POU2F1: variants seen among roughly 807,000 people sequenced by gnomAD.
The protein encoded by POU2F1 is POU class 2 homeobox 1.
In POU2F1, 16 loss-of-function variants were observed where a neutral mutation model predicts 84.9. The ratio of observed to expected loss-of-function variants is 0.19; its 90% CI spans 0.13 to 0.29. POU2F1 has a LOEUF of 0.29. Among genes scored for constraint, POU2F1 ranks in the 10% least tolerant of loss-of-function variants. The pLI, the probability that POU2F1 is intolerant of heterozygous loss-of-function variation, is 1.00. For synonymous variants in POU2F1, 368 were observed against 368.3 expected (o/e 1.00, Z 0.01); for missense variants, 738 against 942.6 (o/e 0.78, Z 2.84).
At chr1:167,323,877 G>A (rs1656504717) in intron 1 of POU2F1, among the ~76,000 whole-genome samples, 1 of 152,068 alleles carries the variant, frequency 6.6e-6, no homozygotes, top group South Asian at 2.1e-4. Context: ...ATTTTTAGTA[G>A]AGATAGGGTT....
chr1:167,313,076 C>A (rs931295277), intron 1 of POU2F1, among the ~76,000 whole-genome samples: 1 of 152,160 alleles, frequency 6.6e-6, no homozygotes, highest in Non-Finnish European at 1.5e-5. Context: ...AATATAGCCC[C>A]ATTGTTAAAC....
intron 2 of POU2F1, among the ~76,000 whole-genome samples, chr1:167,343,604 G>C (rs1405762497): frequency 7.2e-6 from 1 of 138,204 alleles, no homozygotes; most frequent in Admixed American, 7.6e-5. Context: ...TCCTGGCATA[G>C]AGCAATGGCA....
chr1:167,396,117 A>G (rs1188968748), intron 9 of POU2F1, among the ~76,000 whole-genome samples, 169 bp from the exon 10 acceptor site: 1 of 152,170 alleles, frequency 6.6e-6, no homozygotes, highest in Non-Finnish European at 1.5e-5. Context: ...TCACAGTAAC[A>G]CTGTGACTGG....
At chr1:167,306,710 C>G (rs1655088001) in intron 1 of POU2F1, among the ~76,000 whole-genome samples, 1 of 152,148 alleles carries the variant, frequency 6.6e-6, no homozygotes. Flanking sequence ...GGCTGTGAAG[C>G]AGAATCTGTT....
intron 1 of POU2F1, among the ~76,000 whole-genome samples, chr1:167,242,647 A>G (rs1649995629): frequency 6.6e-6 from 1 of 152,216 alleles, no homozygotes; most frequent in African/African-American, 2.4e-5. Flanking sequence ...ATGTGAAATT[A>G]GCCCGAATCA....
At chr1:167,352,828 T>C (rs1658669002) in intron 2 of POU2F1, among the ~76,000 whole-genome samples, 1 of 152,230 alleles carries the variant, frequency 6.6e-6, no homozygotes, top group Non-Finnish European at 1.5e-5. Flanking sequence ...ATTTCTTCCC[T>C]CACTCCCACA....
chr1:167,276,491 A>G (rs995259473), intron 1 of POU2F1, among the ~76,000 whole-genome samples: 5 of 152,170 alleles, frequency 3.3e-5, no homozygotes, highest in Non-Finnish European at 7.3e-5. Context: ...ATAGGGTTCA[A>G]TACTAGCCCC....
intron 1 of POU2F1, among the ~76,000 whole-genome samples, chr1:167,267,630 C>CTTTTTTTTTTTTT (rs71073658): frequency 5.7e-5 from 4 of 70,484 alleles, no homozygotes; most frequent in African/African-American, 1.1e-4. Context: ...GTTACTGTGT[C>CTTTTTTTTTTTTT]TTTTTTTTTT....
At chr1:167,379,533 C>T (rs547436381) in intron 7 of POU2F1, 1 of 152,272 alleles carries the variant, frequency 6.6e-6, no homozygotes, top group Admixed American at 6.5e-5. Context: ...TTAGAAGAAC[C>T]TTGGTGAAAC....
chr1:167,290,591 T>C (rs1040866039), intron 1 of POU2F1, among the ~76,000 whole-genome samples: 10 of 152,254 alleles, frequency 6.6e-5, no homozygotes, highest in African/African-American at 1.9e-4. Context: ...TTCATCTTTC[T>C]GACCCCATGG....
intron 1 of POU2F1, among the ~76,000 whole-genome samples, chr1:167,325,564 G>A (rs1656642135): frequency 6.6e-6 from 1 of 151,980 alleles, no homozygotes; most frequent in Non-Finnish European, 1.5e-5. Context: ...ACCTACACTG[G>A]CCCATAAGAT....
intron 1 of POU2F1, among the ~76,000 whole-genome samples, chr1:167,264,689 C>G (rs2102446590): frequency 6.6e-6 from 1 of 152,296 alleles, no homozygotes; most frequent in South Asian, 2.1e-4. Context: ...AGCTTCCACC[C>G]TTCCAGCCCT....
At chr1:167,359,506 AT>A in intron 2 of POU2F1, among the ~76,000 whole-genome samples, 1 of 152,298 alleles carries the variant, frequency 6.6e-6, no homozygotes, top group South Asian at 2.1e-4. Flanking sequence ...GTATTACTGC[AT>A]GGATTTTGTT....
chr1:167,327,069 T>C (rs540242455), intron 1 of POU2F1, among the ~76,000 whole-genome samples: 70 of 152,330 alleles, frequency 4.6e-4, no homozygotes, highest in Middle Eastern at 3.4e-3. Context: ...ATCCAACATA[T>C]TCTACCTTAA....
Position 167,422,563 on chromosome 1 carries a change from A to G in POU2F1, c.*6753A>G, listed in dbSNP as rs2101967913. On this transcript the variant is annotated 3_prime_UTR_variant, in exon 16 of 16. Coordinates refer to ENST00000367866, the MANE Select transcript of POU2F1 (RefSeq NM_002697.4). ...ATTAGTTGGTGGGATTGAGGAGAGA[A>G]TTATTCTTGGTGGGAACATGAATGA... 2 of 152,364 alleles carry G rather than the reference A, an allele frequency of 1.3e-5. No individual in the cohort carries two copies. Among genetic ancestry groups the G allele is most frequent in the Non-Finnish European group, 2.9e-5 (2 of 68,020 alleles). 9.4% of individuals were successfully genotyped at this position (152,364 alleles called of 1,614,324 possible). A position where few individuals can be genotyped will look rare whatever the true frequency, so the allele number is the denominator to read the frequency against.
At chr1:167,238,248 T>C (rs1273860616) in intron 1 of POU2F1, among the ~76,000 whole-genome samples, 3 of 152,154 alleles carry the variant, frequency 2.0e-5, no homozygotes, top group Non-Finnish European at 4.4e-5. Context: ...ATCAACTGTA[T>C]GGCAAGAAAT....
intron 1 of POU2F1, among the ~76,000 whole-genome samples, chr1:167,298,579 A>C (rs1164203656): frequency 6.6e-6 from 1 of 152,108 alleles, no homozygotes; most frequent in Non-Finnish European, 1.5e-5. Flanking sequence ...CTTCCCTTTG[A>C]ATTTCCTGGG....
chr1:167,250,430 T>G lies in POU2F1; in HGVS notation c.61+29472T>G, dbSNP rs1650638163. 2.0e-5 allele frequency among the ~76,000 whole-genome samples: 3 copies of G among 152,182 alleles called. 1 individual carries two copies. The South Asian group carries it at 6.2e-4, about 31-fold the overall frequency. On this transcript the variant is annotated intron_variant, in intron 1 of 15. Coordinates refer to ENST00000367866, the MANE Select transcript of POU2F1 (RefSeq NM_002697.4). ...AAATATTTCTCAATTTAAATTATAGTGTTTAAATTTTAGGTAAGAATGGAA... is the reference window on the plus strand; with the variant it reads ...AAATATTTCTCAATTTAAATTATAGGGTTTAAATTTTAGGTAAGAATGGAA...
At chr1:167,412,407 T>C in intron 14 of POU2F1, 103 bp downstream of exon 14, 1 of 1,021,944 alleles carries the variant, frequency 9.8e-7, no homozygotes, top group Non-Finnish European at 1.4e-6. Context: ...GAAAAAAATG[T>C]CTTTAAAGCA....
Sources: gnomAD v4.1 joint callset for allele counts (sites outside exome capture counted in the v4.1 genomes callset) on GRCh38, gnomAD v4.1.1 for gene constraint, MANE v1.5 for transcripts, NCBI Gene and HGNC (gene_info 2026-07-23, HGNC 2026-07-21) for gene names.